The following ITGB4 variants were observed in gnomAD, a reference collection of about 807,000 sequenced individuals.
The protein encoded by ITGB4 is integrin subunit beta 4.
In ITGB4, 159 loss-of-function variants were observed where a neutral mutation model predicts 207.6. The observed-to-expected ratio is 0.77, with a 90% confidence interval of 0.67 to 0.87. ITGB4 has a LOEUF of 0.87. Among genes scored for constraint, ITGB4 ranks in the 40% least tolerant of loss-of-function variants. The pLI is 0.00. For missense variants in ITGB4, 2,278 were observed against 2,546.8 expected (o/e 0.89, Z 2.27); for synonymous variants, 1,020 against 1,062.7 (o/e 0.96, Z 0.78).
In ITGB4 at chr17:75,740,310, A is replaced by G; in HGVS notation, c.2447-48A>G. 1 of 1,510,810 alleles carries G rather than the reference A, an allele frequency of 6.6e-7. No individual in the cohort carries two copies. Among genetic ancestry groups the G allele is most frequent in the Non-Finnish European group, 9.1e-7 (1 of 1,095,562 alleles). The allele number at this position is 1,510,810 out of a possible 1,614,324, so 93.6% of individuals were successfully genotyped here. On this transcript the variant is annotated intron_variant, in intron 20 of 39. Transcript: ENST00000200181. The surrounding 1 kb of genome is among the most constrained non-coding windows in gnomAD (Gnocchi z 5.9). ...GGATGCTCTGTGGTGCCTGTCATGC[A>G]GGGGGCTGACCACCTCCATCTCACC...
In ITGB4 at chr17:75,753,817, C is replaced by T; in HGVS notation, c.4161C>T (p.Arg1387=). 1 of 1,464,608 alleles carries T rather than the reference C, an allele frequency of 6.8e-7. No individual in the cohort carries two copies. Among genetic ancestry groups the T allele is most frequent in the Non-Finnish European group, 9.0e-7 (1 of 1,109,208 alleles). 90.7% of individuals were successfully genotyped at this position (1,464,608 alleles called of 1,614,324 possible). A position where few individuals can be genotyped will look rare whatever the true frequency, so the allele number is the denominator to read the frequency against. ...PLLGEELDLR[R]VTWRLPPELI... ...TGGGGGAGGAGCTGGACCTGCGGCG[C>T]GTCACGTGGCGGCTGCCCCCGGAGC... The change falls in exon 33 of 40, where the codon CGC becomes CGT. Residue 1387 remains arginine (R), a synonymous_variant. Transcript: ENST00000200181.
At position 75,748,994 on chromosome 17, in the gene ITGB4, G is replaced by A; in HGVS notation, c.3265G>A (p.Gly1089Arg). The change falls in exon 27 of 40, where the codon GGG (glycine) becomes AGG (arginine). Residue 1089 changes from glycine to arginine, a missense_variant. Coordinates refer to ENST00000200181, the MANE Select transcript of ITGB4 (RefSeq NM_000213.5). ...CGTCCAGCTCAGCAACCCTAAGTTT[G>A]GGGCCCACCTGGGCCAGCCCCACTC... ...FHVQLSNPKF[G>R]AHLGQPHSTT... 1 of 1,613,150 alleles carries A rather than the reference G, an allele frequency of 6.2e-7. No individual in the cohort carries two copies. The highest frequency in any genetic ancestry group is 8.5e-7 in the Non-Finnish European group (1 of 1,180,012).
At position 75,757,534 on chromosome 17, in the gene ITGB4, C is replaced by T. The variant is rs1268728912; in HGVS notation, c.5448C>T (p.Asp1816=). The T allele has an allele frequency of 2.5e-6, 4 of 1,613,350 alleles. No homozygotes were observed. The South Asian group carries it at 4.4e-5, about 18-fold the overall frequency. The stretch of plus-strand genomic sequence containing the variant: ...GCGGAACCCTTAGCACCCACATGGA[C>T]CAACAGTTCTTCCAAACTTGACCGC... ...TTSGTLSTHM[D]QQFFQT is the part of the protein sequence containing the mutation. The change falls in exon 40 of 40, where the codon GAC becomes GAT. Residue 1816 remains aspartate (D), a synonymous_variant. Coordinates refer to ENST00000200181, the MANE Select transcript of ITGB4 (RefSeq NM_000213.5).
In ITGB4 at chr17:75,739,104, C is replaced by T. The variant is rs1275035130; in HGVS notation, c.2221-568C>T. Among the ~76,000 whole-genome samples, 3 of 151,900 alleles carry T rather than the reference C, an allele frequency of 2.0e-5. No individual in the cohort carries two copies. Among genetic ancestry groups the T allele is most frequent in the Admixed American group, 6.6e-5 (1 of 15,248 alleles). ...TGAGGTCAGGAGTTGGAGACAAGCC[C>T]GGCCAATATGGTGACACCCCATCTC... On this transcript the variant is annotated intron_variant, in intron 18 of 39. Transcript: ENST00000200181. The surrounding 1 kb of genome is among the most constrained non-coding windows in gnomAD (Gnocchi z 5.4).
chr17:75,727,512 G>A lies in ITGB4; in HGVS notation c.264+7G>A, dbSNP rs945470804. 4.3e-6 allele frequency: 7 copies of A among 1,613,118 alleles called. No individual in the cohort carries two copies. The highest frequency in any genetic ancestry group is 4.0e-5 in the African/African-American group (3 of 74,930). On this transcript the variant is annotated splice_region_variant and intron_variant, in intron 4 of 39. Coordinates refer to ENST00000200181, the MANE Select transcript of ITGB4 (RefSeq NM_000213.5). The surrounding 1 kb of genome is among the most constrained non-coding windows in gnomAD (Gnocchi z 6.0). ...CAGCTTCCAAATCACAGAGGTGCCT[G>A]GTGTGGGGACTGGGGTGGGGGCTCC...
Position 75,729,317 on chromosome 17 carries a change from A to G in ITGB4, c.619A>G (p.Ile207Val). 6.2e-7 allele frequency: 1 copy of G among 1,614,104 alleles called. No individual in the cohort carries two copies. Among genetic ancestry groups the G allele is most frequent in the Non-Finnish European group, 8.5e-7 (1 of 1,180,000 alleles). The change falls in exon 7 of 40, where the codon ATC (isoleucine) becomes GTC (valine). Residue 207 changes from isoleucine (I) to valine (V), a missense_variant. Ile to Val is a conservative substitution (Grantham distance 29). Coordinates refer to ENST00000200181, the MANE Select transcript of ITGB4 (RefSeq NM_000213.5). This position sits in a 1 kb window ranked among gnomAD's most constrained non-coding sequence, Gnocchi z 4.4. ...CCCCCCCTTCTCCTTCAAGAACGTCATCAGCCTGACAGAAGATGTGGATGA... is the reference window on the plus strand; with the variant it reads ...CCCCCCCTTCTCCTTCAAGAACGTCGTCAGCCTGACAGAAGATGTGGATGA... ...SDPPFSFKNVISLTEDVDEFR... is the reference protein window; with the variant it reads ...SDPPFSFKNVVSLTEDVDEFR...
rs956137686 is a variant in ITGB4 at position 75,730,474 on chromosome 17, T to C, written c.972T>C (p.Ala324=). 4 of 1,613,846 alleles carry C rather than the reference T, an allele frequency of 2.5e-6. No individual in the cohort carries two copies. The highest frequency in any genetic ancestry group is 3.4e-6 in the Non-Finnish European group (4 of 1,180,012). The part of the protein sequence containing the change: ...LAKHNIIPIF[A]VTNYSYSYYE... ...AGCACAACATCATCCCCATCTTTGC[T>C]GTCACCAACTACTCCTATAGCTACT... Residue 324 remains alanine (A), a synonymous_variant, in exon 8 of 40, where the codon GCT becomes GCC. Coordinates refer to ENST00000200181, the MANE Select transcript of ITGB4 (RefSeq NM_000213.5).
Position 75,750,708 on chromosome 17 carries a change from A to G in ITGB4, c.3503A>G (p.Glu1168Gly), listed in dbSNP as rs779763403. The G allele has an allele frequency of 1.2e-6, 2 of 1,613,288 alleles. No individual in the cohort carries two copies. Among genetic ancestry groups the G allele is most frequent in the South Asian group, 2.2e-5 (2 of 91,078 alleles). ...RVKYWIQGDS[E>G]SEAHLLDSKV... is the part of the protein sequence containing the mutation. ...AAGTACTGGATTCAGGGTGACTCCG[A>G]ATCCGAAGCCCACCTGCTCGACAGC... The change falls in exon 29 of 40, where the codon GAA becomes GGA. Residue 1168 changes from glutamate (E) to glycine (G), a missense_variant. By Grantham distance (98) the Glu-to-Gly change is moderately conservative (BLOSUM62 -2). Transcript: ENST00000200181. The surrounding 1 kb of genome is among the most constrained non-coding windows in gnomAD (Gnocchi z 5.5).
Position 75,731,736 on chromosome 17 carries a change from C to A in ITGB4, c.1216-76C>A. ...AGACATCTCCTAGGAACTTGGGGGC[C>A]GAGGGCCTTCAGGCATCGATGGCCC... is the stretch of plus-strand genomic sequence containing the variant. On this transcript the variant is annotated intron_variant, in intron 10 of 39. Transcript: ENST00000200181. The surrounding 1 kb of genome is among the most constrained non-coding windows in gnomAD (Gnocchi z 6.8). The A allele has an allele frequency of 6.9e-7, 1 of 1,456,450 alleles. No homozygotes were observed. The highest frequency in any genetic ancestry group is 9.2e-7 in the Non-Finnish European group (1 of 1,088,646). The allele number at this position is 1,456,450 out of a possible 1,614,324, so 90.2% of individuals were successfully genotyped here.
At chr17:75,724,610 T>C (rs2060681200) in intron 1 of ITGB4, 84 bp from the exon 2 acceptor site, 2 of 1,061,552 alleles carry the variant, frequency 1.9e-6, no homozygotes, top group Non-Finnish European at 2.9e-6. Flanking sequence ...GAGCCTCAGT[T>C]CCCACAGCTG....
Position 75,757,330 on chromosome 17 carries a change from G to A in ITGB4, c.5329+20G>A. ...TAGTGGGTGAGCACTGAGGGCTAGG[G>A]GATCCCGGCTCTCCTGGGACAGGGA... is the stretch of plus-strand genomic sequence containing the variant. On this transcript the variant is annotated intron_variant, in intron 39 of 39. Coordinates refer to ENST00000200181, the MANE Select transcript of ITGB4 (RefSeq NM_000213.5). The A allele has an allele frequency of 6.2e-7, 1 of 1,612,636 alleles. No homozygotes were observed. Among genetic ancestry groups the A allele is most frequent in the South Asian group, 1.1e-5 (1 of 91,078 alleles).
At position 75,732,071 on chromosome 17, in the gene ITGB4, G is replaced by A; in HGVS notation, c.1378-92G>A. 1 of 1,608,282 alleles carries A rather than the reference G, an allele frequency of 6.2e-7. No individual in the cohort carries two copies. Among genetic ancestry groups the A allele is most frequent in the South Asian group, 1.1e-5 (1 of 90,882 alleles). On this transcript the variant is annotated intron_variant, in intron 11 of 39. Transcript: ENST00000200181. This position sits in a 1 kb window ranked among gnomAD's most constrained non-coding sequence, Gnocchi z 5.3. ...GACTCCTGTGCCCCATATCCCTTGT[G>A]GGGTTTCCCGAGGCACACAGGAGAG...
chr17:75,743,926 C>T, intron 26 of ITGB4, 65 bp downstream of exon 26: 2 of 1,511,892 alleles, frequency 1.3e-6, no homozygotes, highest in Admixed American at 4.0e-5. Context: ...CATTGGGTTC[C>T]CAAGACAAAG....
In ITGB4 at chr17:75,736,053, C is replaced by T. The variant is rs121912462; in HGVS notation, c.1660C>T (p.Arg554Ter). 3.7e-6 allele frequency: 6 copies of T among 1,613,854 alleles called. No homozygotes were observed. The highest frequency in any genetic ancestry group is 1.7e-5 in the Admixed American group (1 of 60,018). Residue 554 changes from arginine to a stop codon, truncating the protein, a stop_gained and splice_region_variant, in exon 14 of 40, where the codon CGA (arginine) becomes TGA (stop). Coordinates refer to ENST00000200181, the MANE Select transcript of ITGB4 (RefSeq NM_000213.5). LOFTEE classifies it high-confidence loss of function. ...CCCTTCCTTGTCCCTCTCTGCAGAC[C>T]GAGGACGCTGCTCCATGGGCCAGTG... ...PRTSGFLCND[R>*]GRCSMGQCVC...
Position 75,740,915 on chromosome 17 carries a change from GC to G in ITGB4, c.2610-62del. On this transcript the variant is annotated intron_variant, in intron 22 of 39. Transcript: ENST00000200181. The surrounding 1 kb of genome is among the most constrained non-coding windows in gnomAD (Gnocchi z 5.9). ...TCCTACCGGGACTCCAGGAGCCGAAGCCCCCAGGCCGATCAGGCCTCCACTT... is the reference window on the plus strand; with the variant it reads ...TCCTACCGGGACTCCAGGAGCCGAAGCCCCAGGCCGATCAGGCCTCCACTT... 3.1e-6 allele frequency: 5 copies of G among 1,613,600 alleles called. No homozygotes were observed. Among genetic ancestry groups the G allele is most frequent in the Non-Finnish European group, 4.2e-6 (5 of 1,179,794 alleles).
chr17:75,736,837 G>T lies in ITGB4; in HGVS notation c.1990+143G>T, dbSNP rs1455707186. On this transcript the variant is annotated intron_variant, in intron 16 of 39. Transcript: ENST00000200181. ...GGACAGGAACTCCAGAGCTGGGAGG[G>T]ACCACAGAACCCAGATAGAGGACAC... is the stretch of plus-strand genomic sequence containing the variant. 4 of 936,428 alleles carry T rather than the reference G, an allele frequency of 4.3e-6. No homozygotes were observed. The East Asian group carries it at 1.1e-4, about 25-fold the overall frequency. 58.0% of individuals were successfully genotyped at this position (936,428 alleles called of 1,614,324 possible). A position where few individuals can be genotyped will look rare whatever the true frequency, so the allele number is the denominator to read the frequency against.
chr17:75,755,997 C>G, intron 35 of ITGB4, 147 bp downstream of exon 35: 1 of 993,442 alleles, frequency 1.0e-6, no homozygotes, highest in Non-Finnish European at 1.5e-6. Flanking sequence ...GGTCTCCCAC[C>G]CCATTCTCCA....
At chr17:75,755,347 C>A (rs2603501) in intron 34 of ITGB4, 1 of 947,512 alleles carries the variant, frequency 1.1e-6, no homozygotes, top group Non-Finnish European at 1.6e-6. Flanking sequence ...CCCACAGGCG[C>A]TAACCACCTG....
Position 75,722,320 on chromosome 17 carries a change from G to A in ITGB4, c.-11+708G>A, listed in dbSNP as rs1193126468. 6.6e-6 allele frequency among the ~76,000 whole-genome samples: 1 copy of A among 152,164 alleles called. No individual in the cohort carries two copies. The highest frequency in any genetic ancestry group is 1.5e-5 in the Non-Finnish European group (1 of 68,014). Reference sequence around the variant, plus strand: ...AGCCTCTGGGGTGGCCCTCTGGCTGGGACTGGGGCTCTGGGGCTCCTGGTG... The same window carrying A: ...AGCCTCTGGGGTGGCCCTCTGGCTGAGACTGGGGCTCTGGGGCTCCTGGTG... On this transcript the variant is annotated intron_variant, in intron 1 of 39. Transcript: ENST00000200181. The surrounding 1 kb of genome is among the most constrained non-coding windows in gnomAD (Gnocchi z 6.2).
Sources: allele counts gnomAD v4.1 joint callset (sites outside exome capture counted in the v4.1 genomes callset), GRCh38; gene constraint gnomAD v4.1.1; non-coding constraint Gnocchi (gnomAD v3.1); transcripts MANE v1.5; gene names NCBI Gene and HGNC (gene_info 2026-07-23, HGNC 2026-07-21).